Variants in RAP1GAP2 observed in about 807,000 individuals in gnomAD.
The protein encoded by RAP1GAP2 is RAP1 GTPase activating protein 2.
RAP1GAP2 carries 27 observed loss-of-function variants against 95.0 expected under a neutral mutation model. The ratio of observed to expected loss-of-function variants is 0.28; its 90% CI spans 0.21 to 0.39. RAP1GAP2 has a LOEUF of 0.39. RAP1GAP2 is among the 10% of genes least tolerant of loss of function. The pLI is 1.00. For missense variants in RAP1GAP2, 771 were observed against 970.0 expected, an observed-to-expected ratio of 0.79 and a Z score of 2.72; for synonymous variants, 373 against 380.9, an observed-to-expected ratio of 0.98 and a Z score of 0.24.
At chr17:2,932,141 G>A (rs1171876777) in intron 3 of RAP1GAP2, among the ~76,000 whole-genome samples, 1 of 152,186 alleles carries the variant, frequency 6.6e-6, no homozygotes, top group Non-Finnish European at 1.5e-5. Flanking sequence ...TTGAAATTCT[G>A]GTTTAGCTCA....
intron 11 of RAP1GAP2, among the ~76,000 whole-genome samples, chr17:2,990,739 T>C (rs1401795613): frequency 6.6e-6 from 1 of 152,174 alleles, no homozygotes; most frequent in East Asian, 1.9e-4. Flanking sequence ...CCAACACTTG[T>C]TATTGCCTTT....
intron 1 of RAP1GAP2, among the ~76,000 whole-genome samples, chr17:2,782,708 T>C (rs2068686899): frequency 6.6e-6 from 1 of 152,128 alleles, no homozygotes; most frequent in South Asian, 2.1e-4. Flanking sequence ...TAGTAGGTCC[T>C]ATTAGGTGGG....
chr17:3,008,878 T>G lies in RAP1GAP2; in HGVS notation c.1494+733T>G, dbSNP rs527377878. ...AGGTGGCGGAACGGGTCTTGTTATATTCACGAACACACGTGGGGACAGGAT... is the reference window on the plus strand; with the variant it reads ...AGGTGGCGGAACGGGTCTTGTTATAGTCACGAACACACGTGGGGACAGGAT... On this transcript the variant is annotated intron_variant, in intron 17 of 24. Coordinates refer to ENST00000254695, the MANE Select transcript of RAP1GAP2 (RefSeq NM_015085.5). The surrounding 1 kb of genome is among the most constrained non-coding windows in gnomAD (Gnocchi z 4.2). 6.6e-6 allele frequency among the ~76,000 whole-genome samples: 1 copy of G among 152,290 alleles called. No homozygotes were observed. Among genetic ancestry groups the G allele is most frequent in the East Asian group, 1.9e-4 (1 of 5,170 alleles).
At position 2,931,280 on chromosome 17, in the gene RAP1GAP2, T is replaced by TGTGTGTGTG. The variant is rs2043143190; in HGVS notation, c.165+25912_165+25913insGTGTGTGTG. On this transcript the variant is annotated intron_variant, in intron 3 of 24. Coordinates refer to ENST00000254695, the MANE Select transcript of RAP1GAP2 (RefSeq NM_015085.5). ...TATGTTTGCCATGAGTGAGTGTTTC[T>TGTGTGTGTG]TGTGTGTGTGTGTGTGTGTGTGTGT... Among the ~76,000 whole-genome samples, 230 of 146,754 alleles carry TGTGTGTGTG rather than the reference T, an allele frequency of 1.6e-3. 1 individual carries two copies. Among genetic ancestry groups the TGTGTGTGTG allele is most frequent in the African/African-American group, 5.7e-3 (223 of 38,858 alleles).
At chr17:2,988,259 C>T (rs2045627521) in intron 11 of RAP1GAP2, among the ~76,000 whole-genome samples, 1 of 151,922 alleles carries the variant, frequency 6.6e-6, no homozygotes, top group Admixed American at 6.6e-5. Context: ...TTTGTAGATT[C>T]ACATAGAGTT....
intron 3 of RAP1GAP2, among the ~76,000 whole-genome samples, chr17:2,937,227 C>T (rs1244650486): frequency 4.6e-5 from 7 of 152,130 alleles, no homozygotes. Flanking sequence ...CTTCCTTGGT[C>T]TCCAGCTCCA....
chr17:2,760,750 G>A (rs143511372), intron 1 of RAP1GAP2, among the ~76,000 whole-genome samples: 2 of 151,726 alleles, frequency 1.3e-5, no homozygotes. Flanking sequence ...CCTGTGCTTC[G>A]TTGAGCTCCT....
At chr17:2,849,998 GCTT>G (rs2071760791) in intron 2 of RAP1GAP2, among the ~76,000 whole-genome samples, 1 of 136,128 alleles carries the variant, frequency 7.3e-6, no homozygotes, top group African/African-American at 2.7e-5. Context: ...AACACTGCCT[GCTT>G]TTTTTTTTTT....
rs552849437 is a variant in RAP1GAP2 at position 3,029,535 on chromosome 17, G to A, written c.2108-1387G>A. On this transcript the variant is annotated intron_variant, in intron 22 of 24. Coordinates refer to ENST00000254695, the MANE Select transcript of RAP1GAP2 (RefSeq NM_015085.5). This position sits in a 1 kb window ranked among gnomAD's most constrained non-coding sequence, Gnocchi z 4.4. Reference sequence around the variant, plus strand: ...GGGAGAGGTGGCCTGACGTCCTGACGTACAGTCTCCATAATGTCAGATATC... The same window carrying A: ...GGGAGAGGTGGCCTGACGTCCTGACATACAGTCTCCATAATGTCAGATATC... Among the ~76,000 whole-genome samples the A allele has an allele frequency of 6.6e-6, 1 of 152,152 alleles. No individual in the cohort carries two copies. The highest frequency in any genetic ancestry group is 1.9e-4 in the East Asian group (1 of 5,192).
At chr17:2,986,676 C>T (rs112648636) in intron 11 of RAP1GAP2, among the ~76,000 whole-genome samples, 561 of 152,112 alleles carry the variant, frequency 3.7e-3, no homozygotes, top group Non-Finnish European at 5.8e-3. Flanking sequence ...ACCTAACTCT[C>T]GTGTTTGCTG....
At chr17:2,864,278 A>C (rs1158938107) in intron 2 of RAP1GAP2, among the ~76,000 whole-genome samples, 1 of 152,224 alleles carries the variant, frequency 6.6e-6, no homozygotes, top group East Asian at 1.9e-4. Context: ...CTGAGGACGC[A>C]GCAGTGGGCA....
At chr17:3,012,226 C>T (rs1391363662) in intron 17 of RAP1GAP2, among the ~76,000 whole-genome samples, 2 of 152,122 alleles carry the variant, frequency 1.3e-5, no homozygotes, top group African/African-American at 4.8e-5. Context: ...TCAAGCTGAA[C>T]TGCTTGGAGA....
At chr17:2,836,346 C>G (rs1170320519) in intron 2 of RAP1GAP2, among the ~76,000 whole-genome samples, 1 of 151,946 alleles carries the variant, frequency 6.6e-6, no homozygotes, top group African/African-American at 2.4e-5. Flanking sequence ...AGGAACCTGG[C>G]TTTGGCCGGG....
intron 2 of RAP1GAP2, among the ~76,000 whole-genome samples, chr17:2,847,806 C>T (rs901122629): frequency 6.6e-6 from 1 of 152,118 alleles, no homozygotes; most frequent in African/African-American, 2.4e-5. Flanking sequence ...CAGCCCTCAG[C>T]CTCATCCGCT....
At chr17:3,015,159 C>T (rs2046714640) in intron 17 of RAP1GAP2, among the ~76,000 whole-genome samples, 1 of 152,104 alleles carries the variant, frequency 6.6e-6, no homozygotes, top group Non-Finnish European at 1.5e-5. Context: ...ACTGTTTTAA[C>T]CATGCGGTAG....
At chr17:3,024,837 C>A (rs573047597) in intron 19 of RAP1GAP2, among the ~76,000 whole-genome samples, 33 of 152,352 alleles carry the variant, frequency 2.2e-4, no homozygotes, top group Admixed American at 1.5e-3. Context: ...ATTCTATTTA[C>A]ATGAATGTCC....
chr17:2,885,028 CTT>C (rs891984333), intron 2 of RAP1GAP2, among the ~76,000 whole-genome samples: 9 of 112,500 alleles, frequency 8.0e-5, no homozygotes, highest in African/African-American at 2.5e-4. Context: ...TTATTTCTTT[CTT>C]TTTTTTTTTT....
chr17:2,799,846 G>A, intron 1 of RAP1GAP2, among the ~76,000 whole-genome samples: 1 of 152,198 alleles, frequency 6.6e-6, no homozygotes, highest in Non-Finnish European at 1.5e-5. Context: ...TAGAACCTCA[G>A]CGGCGCTGTC....
intron 11 of RAP1GAP2, among the ~76,000 whole-genome samples, chr17:2,990,338 CT>C (rs1186528516): frequency 1.4e-4 from 21 of 152,312 alleles, no homozygotes; most frequent in Non-Finnish European, 2.2e-4. Context: ...CATTTGGTGA[CT>C]CTGTTTAGCC....
Sources: gnomAD v4.1 joint callset for allele counts (sites outside exome capture counted in the v4.1 genomes callset) on GRCh38, gnomAD v4.1.1 for gene constraint, Gnocchi (gnomAD v3.1) non-coding constraint, MANE v1.5 for transcripts, NCBI Gene and HGNC (gene_info 2026-07-23, HGNC 2026-07-21) for gene names.